The following CFHR3 variants were observed in gnomAD, a reference collection of about 807,000 sequenced individuals.
The protein encoded by CFHR3 is complement factor H-related protein 3.
CFHR3 carries 22 observed loss-of-function variants against 36.0 expected under a neutral mutation model. The observed-to-expected ratio is 0.61, with a 90% CI of 0.44 to 0.87. The LOEUF (loss-of-function observed/expected upper bound fraction) is 0.87, where lower values mean the gene tolerates loss of function less well. Among genes scored for constraint, CFHR3 ranks in the 40% least tolerant of loss-of-function variants. The pLI, the probability that CFHR3 is intolerant of heterozygous loss-of-function variation, is 0.00. For synonymous variants in CFHR3, 97 were observed against 137.4 expected, an observed-to-expected ratio of 0.71 and a Z score of 2.06; for missense variants, 276 against 401.3, an observed-to-expected ratio of 0.69 and a Z score of 2.67.
At position 196,793,982 on chromosome 1, in the gene CFHR3, AG is replaced by A; in HGVS notation, c.*470del. 1 of 144,972 alleles carries A rather than the reference AG, an allele frequency of 6.9e-6. No homozygotes were observed. The highest frequency in any genetic ancestry group is 6.5e-5 in the Admixed American group (1 of 15,420). 9.0% of individuals were successfully genotyped at this position (144,972 alleles called of 1,614,324 possible). A position where few individuals can be genotyped will look rare whatever the true frequency, so the allele number is the denominator to read the frequency against. On this transcript the variant is annotated 3_prime_UTR_variant, in exon 6 of 6. Coordinates refer to ENST00000367425, the MANE Select transcript of CFHR3 (RefSeq NM_021023.6). ...ACCAAATAGGGTCATTTTTATTAAA[AG>A]TAGTGTTTCCTGGCAAACACTGACA...
intron 5 of CFHR3, among the ~76,000 whole-genome samples, chr1:196,791,211 C>G (rs553107703): frequency 1.5e-5 from 2 of 135,808 alleles, no homozygotes; most frequent in South Asian, 5.2e-4. Flanking sequence ...TCCCTTATAC[C>G]AGAATCAAAA....
rs1176793761 is a variant in CFHR3, at chr1:196,795,229, A to T, written c.*1716A>T. ...AGTTTCCCCATACCCCACTCATGGT[A>T]GTAAATACATCTCATGAGATCTAAT... On this transcript the variant is annotated 3_prime_UTR_variant, in exon 6 of 6. Transcript: ENST00000367425. 1.5e-5 allele frequency: 2 copies of T among 136,288 alleles called. No individual in the cohort carries two copies. The highest frequency in any genetic ancestry group is 3.9e-4 in the East Asian group (2 of 5,118). 8.4% of individuals were successfully genotyped at this position (136,288 alleles called of 1,614,324 possible).
At position 196,779,200 on chromosome 1, in the gene CFHR3, C is replaced by G. The variant is rs1558196552; in HGVS notation, c.97C>G (p.Leu33Val). 6.5e-7 allele frequency: 1 copy of G among 1,530,122 alleles called. No individual in the cohort carries two copies. The highest frequency in any genetic ancestry group is 1.7e-5 in the Admixed American group (1 of 58,240). The allele number at this position is 1,530,122 out of a possible 1,614,324, so 94.8% of individuals were successfully genotyped here. ...TTTTCCAGACATTAAACATGGAGGTCTATTTCATGAGAATATGCGTAGACC... is the reference window on the plus strand; with the variant it reads ...TTTTCCAGACATTAAACATGGAGGTGTATTTCATGAGAATATGCGTAGACC... ...CDFPDIKHGG[L>V]FHENMRRPYF... is the part of the protein sequence containing the mutation. The change falls in exon 2 of 6, where the codon CTA (leucine) becomes GTA (valine). Residue 33 changes from leucine (L) to valine (V), a missense_variant. Transcript: ENST00000367425.
At chr1:196,779,029 A>G (rs1480217522) in intron 1 of CFHR3, 133 bp from the exon 2 acceptor site, 3 of 705,986 alleles carry the variant, frequency 4.2e-6, no homozygotes, top group Non-Finnish European at 6.9e-6. Context: ...AGAGGTCAGG[A>G]TCAGGAAACT....
rs1654496799 is a variant in CFHR3, at chr1:196,793,528, C to A, written c.*15C>A. 2 of 1,514,246 alleles carry A rather than the reference C, an allele frequency of 1.3e-6. No homozygotes were observed. Among genetic ancestry groups the A allele is most frequent in the Admixed American group, 1.7e-5 (1 of 57,774 alleles). The allele number at this position is 1,514,246 out of a possible 1,614,324, so 93.8% of individuals were successfully genotyped here. ...GATGCGAATAAGGCAGCATTGTTAC[C>A]CTAAATGTATGTCCAACTTCCACTT... On this transcript the variant is annotated 3_prime_UTR_variant, in exon 6 of 6. Coordinates refer to ENST00000367425, the MANE Select transcript of CFHR3 (RefSeq NM_021023.6).
rs575550787 is a variant in CFHR3 at position 196,781,329 on chromosome 1, G to A, written c.430+1356G>A. Among the ~76,000 whole-genome samples, 27 of 135,576 alleles carry A rather than the reference G, an allele frequency of 2.0e-4. 5 individuals are homozygous for A. Among genetic ancestry groups the A allele is most frequent in the African/African-American group, 8.4e-4 (27 of 32,126 alleles). The allele number at this position is 135,576 out of a possible 152,430, so 88.9% of individuals were successfully genotyped here. On this transcript the variant is annotated intron_variant, in intron 3 of 5. Transcript: ENST00000367425. ...TGGGTATATACCCATTAATGGGATG[G>A]CTGGGTCAAATGGTATTTCTAGTTC... is the stretch of plus-strand genomic sequence containing the variant.
Position 196,774,935 on chromosome 1 carries a change from A to C in CFHR3, c.49A>C (p.Asn17His). 1 of 1,527,958 alleles carries C rather than the reference A, an allele frequency of 6.5e-7. No homozygotes were observed. Among genetic ancestry groups the C allele is most frequent in the Non-Finnish European group, 8.9e-7 (1 of 1,129,126 alleles). The allele number at this position is 1,527,958 out of a possible 1,614,324, so 94.7% of individuals were successfully genotyped here. A position where few individuals can be genotyped will look rare whatever the true frequency, so the allele number is the denominator to read the frequency against. Residue 17 changes from asparagine (N) to histidine (H), a missense_variant, in exon 1 of 6, where the codon AAT becomes CAT. Coordinates refer to ENST00000367425, the MANE Select transcript of CFHR3 (RefSeq NM_021023.6). ...VILTLWVSCA[N>H]GQVKPCDFPD... is the part of the protein sequence containing the mutation. ...TCTGACCTTGTGGGTTTCCTGTGCT[A>C]ATGGACAAGGTAAGTTAAAAGAGAT...
intron 5 of CFHR3, among the ~76,000 whole-genome samples, chr1:196,790,883 C>T (rs1654405388): frequency 7.4e-6 from 1 of 135,994 alleles, no homozygotes. Context: ...AGAATGACAA[C>T]CATTTATTGC....
At chr1:196,789,008 T>A (rs1654318474) in intron 4 of CFHR3, 1 of 1,290,468 alleles carries the variant, frequency 7.7e-7, no homozygotes, top group Non-Finnish European at 9.9e-7. Context: ...ACATGTAAAG[T>A]TCTCTGAACG....
chr1:196,783,736 G>C (rs1364325506), intron 3 of CFHR3, among the ~76,000 whole-genome samples: 1 of 134,842 alleles, frequency 7.4e-6, no homozygotes, highest in Non-Finnish European at 1.6e-5. Flanking sequence ...CGATTTTGTT[G>C]ATCCTTTCAA....
At chr1:196,778,501 C>CTA (rs1653819823) in intron 1 of CFHR3, among the ~76,000 whole-genome samples, 1 of 136,282 alleles carries the variant, frequency 7.3e-6, no homozygotes, top group Admixed American at 7.1e-5. Context: ...GGTCAACATT[C>CTA]TATATGTCTA....
rs376138113 is a variant in CFHR3 at position 196,785,154 on chromosome 1, A to T, written c.431-3062A>T. ...GCCCCCACTCTCTTCTGGCTTGTAG[A>T]GTTTCTGCTGAGAGATCTGCTATTA... On this transcript the variant is annotated intron_variant, in intron 3 of 5. Transcript: ENST00000367425. Among the ~76,000 whole-genome samples, 82 of 136,822 alleles carry T rather than the reference A, an allele frequency of 6.0e-4. 6 individuals are homozygous for T. In the East Asian group the frequency reaches 0.01, roughly 17 times the overall value. The allele number at this position is 136,822 out of a possible 152,430, so 89.8% of individuals were successfully genotyped here.
intron 1 of CFHR3, among the ~76,000 whole-genome samples, chr1:196,778,104 G>A (rs374825078): frequency 7.4e-6 from 1 of 135,392 alleles, no homozygotes; most frequent in African/African-American, 3.1e-5. Context: ...TATCTCAGGA[G>A]GTTACACAGT....
At chr1:196,789,778 A>T in intron 4 of CFHR3, 1 of 1,307,308 alleles carries the variant, frequency 7.6e-7, no homozygotes, top group Non-Finnish European at 1.0e-6. Context: ...TTATTCAAGT[A>T]TTTTTTATTA....
chr1:196,787,014 T>C (rs1654233941), intron 3 of CFHR3, among the ~76,000 whole-genome samples: 1 of 138,016 alleles, frequency 7.2e-6, no homozygotes, highest in African/African-American at 3.0e-5. Flanking sequence ...CATCTTCAGT[T>C]ACAGCTGACT....
rs1476923316 is a variant in CFHR3 at position 196,790,745 on chromosome 1, TA to T, written c.796+521del. Among the ~76,000 whole-genome samples, 76 of 61,076 alleles carry T rather than the reference TA, an allele frequency of 1.2e-3. 13 individuals carry two copies. Among genetic ancestry groups the T allele is most frequent in the Admixed American group, 9.5e-3 (58 of 6,084 alleles). The allele number at this position is 61,076 out of a possible 152,430, so 40.1% of individuals were successfully genotyped here. A position where few individuals can be genotyped will look rare whatever the true frequency, so the allele number is the denominator to read the frequency against. On this transcript the variant is annotated intron_variant, in intron 5 of 5. Coordinates refer to ENST00000367425, the MANE Select transcript of CFHR3 (RefSeq NM_021023.6). ...TCTCCAAAAATAAAAAAATAATAAA[TA>T]AATAAATAAATAAATAAATAAATAA...
Position 196,788,271 on chromosome 1 carries a change from C to A in CFHR3, c.486C>A (p.Ser162=), listed in dbSNP as rs764830712. 6 of 1,332,974 alleles carry A rather than the reference C, an allele frequency of 4.5e-6. 1 individual carries two copies. In the South Asian group the frequency reaches 6.1e-5, roughly 13 times the overall value. The allele number at this position is 1,332,974 out of a possible 1,614,324, so 82.6% of individuals were successfully genotyped here. Residue 162 remains serine, a synonymous_variant, in exon 4 of 6, where the codon TCC becomes TCA. Transcript: ENST00000367425. ...EIENGFISES[S]SIYILNKEIQ... ...AAAATGGATTCATTTCCGAATCTTC[C>A]TCTATTTATATTTTAAATAAAGAAA...
Position 196,777,550 on chromosome 1 carries a change from T to C in CFHR3, c.59-1612T>C, listed in dbSNP as rs1378708728. 2.2e-5 allele frequency among the ~76,000 whole-genome samples: 3 copies of C among 136,782 alleles called. 1 individual carries two copies. The highest frequency in any genetic ancestry group is 4.6e-5 in the Non-Finnish European group (3 of 64,544). The allele number at this position is 136,782 out of a possible 152,430, so 89.7% of individuals were successfully genotyped here. ...TTTGGCATAACAAAAGGTCCCAGGA[T>C]TTCCTTGACTTTTCCTACTACAGAC... On this transcript the variant is annotated intron_variant, in intron 1 of 5. Transcript: ENST00000367425.
chr1:196,790,180 A>C lies in CFHR3; in HGVS notation c.749A>C (p.Tyr250Ser). Reference protein sequence around the residue: ...QPYYELQGSNYVTCSNGEWSE... With the variant: ...QPYYELQGSNSVTCSNGEWSE... Reference sequence around the variant, plus strand: ...TACTATGAACTTCAGGGTTCTAATTATGTAACATGTAGTAATGGAGAGTGG... The same window carrying C: ...TACTATGAACTTCAGGGTTCTAATTCTGTAACATGTAGTAATGGAGAGTGG... The change falls in exon 5 of 6, where the codon TAT becomes TCT. Residue 250 changes from tyrosine to serine, a missense_variant. Physicochemically the swap from Tyr to Ser is moderately radical, Grantham distance 144 (BLOSUM62 -2). This residue lies in a region of CFHR3 where 22 missense variants were observed against 74.3 expected (regional missense o/e 0.30). Transcript: ENST00000367425. The C allele has an allele frequency of 7.3e-7, 1 of 1,368,364 alleles. No homozygotes were observed. The highest frequency in any genetic ancestry group is 9.7e-7 in the Non-Finnish European group (1 of 1,027,932). 84.8% of individuals were successfully genotyped at this position (1,368,364 alleles called of 1,614,324 possible). A position where few individuals can be genotyped will look rare whatever the true frequency, so the allele number is the denominator to read the frequency against.
Sources: gnomAD v4.1 joint callset for allele counts (sites outside exome capture counted in the v4.1 genomes callset) on GRCh38, gnomAD v4.1.1 for gene constraint, gnomAD v4.1.1 regional missense constraint, MANE v1.5 for transcripts, NCBI Gene and HGNC (gene_info 2026-07-23, HGNC 2026-07-21) for gene names.